SOS1: variants seen among roughly 807,000 people sequenced by gnomAD.
SOS1 encodes the protein SOS Ras/Rac guanine nucleotide exchange factor 1.
Under a neutral mutation model 157.6 loss-of-function variants are expected in SOS1, and 25 were observed. The observed-to-expected ratio is 0.16, with a 90% CI of 0.12 to 0.22. SOS1 has a LOEUF of 0.22. Among genes scored for constraint, SOS1 ranks in the 10% least tolerant of loss-of-function variants. The pLI is 1.00. For synonymous variants in SOS1, 528 were observed against 534.0 expected, an observed-to-expected ratio of 0.99 and a Z score of 0.16; for missense variants, 1,237 against 1,599.1, an observed-to-expected ratio of 0.77 and a Z score of 3.86.
chr2:39,058,221 CATG>C (rs1375376676), intron 3 of SOS1, among the ~76,000 whole-genome samples: 1 of 152,028 alleles, frequency 6.6e-6, no homozygotes, highest in African/African-American at 2.4e-5. Context: ...GACTTATTTA[CATG>C]ATAAGTAGGA....
chr2:39,005,952 G>A (rs374550103), intron 17 of SOS1, among the ~76,000 whole-genome samples: 129 of 152,222 alleles, frequency 8.5e-4, no homozygotes, highest in African/African-American at 3.1e-3. Context: ...GAAGGAAAAG[G>A]TACTTCCTTC....
At chr2:39,100,864 A>T (rs297155) in intron 1 of SOS1, among the ~76,000 whole-genome samples, 122,791 of 152,128 alleles carry the variant, frequency 0.81, 51,511 homozygotes, top group Non-Finnish European at 0.92. Context: ...GGTTGCAGTG[A>T]GCCGAGACTG....
chr2:39,090,701 AAAC>A (rs1399016408), intron 1 of SOS1, among the ~76,000 whole-genome samples: 1 of 148,842 alleles, frequency 6.7e-6, no homozygotes, highest in Admixed American at 6.7e-5. Context: ...ATCTCAAAAC[AAAC>A]AAACAAACAA....
intron 2 of SOS1, among the ~76,000 whole-genome samples, chr2:39,064,783 C>T (rs1390692913): frequency 1.1e-5 from 1 of 91,796 alleles, no homozygotes; most frequent in Non-Finnish European, 1.9e-5. Flanking sequence ...GAGTCTTGCT[C>T]TGTCACCCAG....
At chr2:38,997,100 A>G (rs1215753643) in intron 18 of SOS1, 62 bp from the exon 19 acceptor site, 6 of 1,100,158 alleles carry the variant, frequency 5.5e-6, no homozygotes, top group Non-Finnish European at 8.1e-6. Flanking sequence ...TTTGAAATTC[A>G]TGGAAAGTTA....
At chr2:39,056,396 GAC>G (rs1164959295) in intron 4 of SOS1, among the ~76,000 whole-genome samples, 1 of 152,014 alleles carries the variant, frequency 6.6e-6, no homozygotes, top group African/African-American at 2.4e-5. Context: ...CAGCCTGGGC[GAC>G]AGAGTGAGAT....
At chr2:39,045,273 A>AGAGTGTGAGTGTGT (rs138343013) in intron 6 of SOS1, among the ~76,000 whole-genome samples, 1 of 108,048 alleles carries the variant, frequency 9.3e-6, no homozygotes, top group Non-Finnish European at 1.9e-5. Context: ...AGAGAGAGAG[A>AGAGTGTGAGTGTGT]GTGTGTGTGT....
chr2:39,120,260 C>T, intron 1 of SOS1, 76 bp downstream of exon 1: 1 of 1,330,050 alleles, frequency 7.5e-7, no homozygotes, highest in East Asian at 3.0e-5. Flanking sequence ...CTGCGCGCGC[C>T]CCGCCTCCCC....
chr2:38,982,665 A>G lies in SOS1; in HGVS notation c.*3159T>C, dbSNP rs1256984336. ...GGTTTTCTTCAATATGTACAACACTAATAAATTGGGACACTCCTCCTATTT... is the reference window on the plus strand; with the variant it reads ...GGTTTTCTTCAATATGTACAACACTGATAAATTGGGACACTCCTCCTATTT... On this transcript the variant is annotated 3_prime_UTR_variant, in exon 23 of 23. Coordinates refer to ENST00000402219, the MANE Select transcript of SOS1 (RefSeq NM_005633.4). 6.6e-6 allele frequency: 1 copy of G among 152,174 alleles called. No individual in the cohort carries two copies. Among genetic ancestry groups the G allele is most frequent in the Non-Finnish European group, 1.5e-5 (1 of 68,010 alleles). The allele number at this position is 152,174 out of a possible 1,614,324, so 9.4% of individuals were successfully genotyped here.
At chr2:39,052,951 G>A (rs966896523) in intron 5 of SOS1, among the ~76,000 whole-genome samples, 7 of 152,090 alleles carry the variant, frequency 4.6e-5, no homozygotes, top group Non-Finnish European at 8.8e-5. Context: ...TCAGGAGTTC[G>A]AGACCAGCCT....
intron 17 of SOS1, 87 bp from the exon 18 acceptor site, chr2:38,997,512 G>C: frequency 1.2e-6 from 1 of 847,890 alleles, no homozygotes; most frequent in Non-Finnish European, 1.9e-6. Flanking sequence ...ATATTACACT[G>C]TACCATCTCA....
rs552092718 is a variant in SOS1 at position 39,004,153 on chromosome 2, A to C, written c.2791+2259T>G. Reference sequence around the variant, plus strand: ...GTCCCTGGCCGGGTGCGGTGGCTCAAGCCTGTAATCCCAGCACTTTGGGAG... The same window carrying C: ...GTCCCTGGCCGGGTGCGGTGGCTCACGCCTGTAATCCCAGCACTTTGGGAG... On this transcript the variant is annotated intron_variant, in intron 17 of 22. Transcript: ENST00000402219. 3.3e-4 allele frequency among the ~76,000 whole-genome samples: 50 copies of C among 151,490 alleles called. No homozygotes were observed. The South Asian group carries it at 4.6e-3, about 14-fold the overall frequency.
Position 39,022,891 on chromosome 2 carries a change from C to T in SOS1, c.1537G>A (p.Ala513Thr). The T allele has an allele frequency of 6.2e-7, 1 of 1,611,188 alleles. No homozygotes were observed. Among genetic ancestry groups the T allele is most frequent in the Non-Finnish European group, 8.5e-7 (1 of 1,177,678 alleles). Residue 513 changes from alanine (A) to threonine (T), a missense_variant, in exon 10 of 23, where the codon GCT (alanine) becomes ACT (threonine). Ala to Thr is a moderately conservative substitution (Grantham distance 58). This residue lies in a region of SOS1 where 210 missense variants were observed against 220.2 expected (regional missense o/e 0.95). Transcript: ENST00000402219. ...TCATCTTTTAAAATTATTTCAAAAG[C>T]ATGCTTGTATTCATTGGTGTCATCT... The part of the protein sequence containing the change: ...DKDDTNEYKH[A>T]FEIILKDENS...
At position 39,084,234 on chromosome 2, in the gene SOS1, T is replaced by A. The variant is rs143987238; in HGVS notation, c.88-16481A>T. On this transcript the variant is annotated intron_variant, in intron 1 of 22. Coordinates refer to ENST00000402219, the MANE Select transcript of SOS1 (RefSeq NM_005633.4). ...CCTAGCAAACTAATACAACTATATA[T>A]GTAGCCATTAAAAAGAACATATTAG... Among the ~76,000 whole-genome samples the A allele has an allele frequency of 3.1e-3, 474 of 152,260 alleles. 2 individuals are homozygous for A. Among genetic ancestry groups the A allele is most frequent in the Admixed American group, 5.2e-3 (79 of 15,288 alleles).
At chr2:39,031,489 G>A (rs1019734297) in intron 8 of SOS1, among the ~76,000 whole-genome samples, 1 of 152,134 alleles carries the variant, frequency 6.6e-6, no homozygotes, top group Non-Finnish European at 1.5e-5. Flanking sequence ...CAGCACTTTG[G>A]GAGGCCGAGG....
At chr2:39,093,141 G>A (rs1052323227) in intron 1 of SOS1, among the ~76,000 whole-genome samples, 1 of 152,146 alleles carries the variant, frequency 6.6e-6, no homozygotes, top group African/African-American at 2.4e-5. Flanking sequence ...ACCTTCCAAT[G>A]ATCTTGAAAG....
intron 10 of SOS1, among the ~76,000 whole-genome samples, chr2:39,021,420 C>G (rs970745979): frequency 6.7e-6 from 1 of 148,352 alleles, no homozygotes; most frequent in African/African-American, 2.5e-5. Context: ...TCAAGTCTTA[C>G]AGAAACAATT....
At chr2:39,010,497 G>T in intron 15 of SOS1, 87 bp downstream of exon 15, 2 of 1,275,654 alleles carry the variant, frequency 1.6e-6, no homozygotes, top group Non-Finnish European at 2.3e-6. Context: ...GCAAAACTCC[G>T]TCTCAAAAAA....
chr2:39,017,203 T>A (rs1458608739), intron 10 of SOS1, among the ~76,000 whole-genome samples: 1 of 152,044 alleles, frequency 6.6e-6, no homozygotes, highest in Non-Finnish European at 1.5e-5. Flanking sequence ...TGATTCCTGA[T>A]TTAGTGCTCT....
Sources: gnomAD v4.1 joint callset for allele counts (sites outside exome capture counted in the v4.1 genomes callset) on GRCh38, gnomAD v4.1.1 for gene constraint, gnomAD v4.1.1 regional missense constraint, MANE v1.5 for transcripts, NCBI Gene and HGNC (gene_info 2026-07-23, HGNC 2026-07-21) for gene names.